CCNY: variants seen among roughly 807,000 people sequenced by gnomAD.
CCNY encodes the protein cyclin Y, also known as cyclin-Y.
A neutral mutation model predicts 42.8 loss-of-function variants in CCNY; 19 were observed. That is an observed-to-expected ratio of 0.44 (90% confidence interval 0.31 to 0.65). The LOEUF is 0.65. Ranked by LOEUF, CCNY falls within the 30% of genes least tolerant of loss-of-function variation. The probability of loss-of-function intolerance (pLI) is 0.07; values close to 1 mark genes in which losing one functional copy is unlikely to be tolerated. For missense variants in CCNY, 370 were observed against 437.3 expected, an observed-to-expected ratio of 0.85 and a Z score of 1.37; for synonymous variants, 165 against 162.7, an observed-to-expected ratio of 1.01 and a Z score of -0.11.
At chr10:35,270,948 A>C (rs1187745377) in intron 3 of CCNY, among the ~76,000 whole-genome samples, 1 of 151,576 alleles carries the variant, frequency 6.6e-6, no homozygotes, top group Non-Finnish European at 1.5e-5. Flanking sequence ...GATGGTCTCG[A>C]TCTCCTGACC....
chr10:35,396,402 C>G (rs542334505), intron 1 of CCNY, among the ~76,000 whole-genome samples: 1 of 152,162 alleles, frequency 6.6e-6, no homozygotes, highest in Non-Finnish European at 1.5e-5. Context: ...AGGCAGGTGC[C>G]GCAAGAAGGT....
intron 1 of CCNY, among the ~76,000 whole-genome samples, chr10:35,384,273 G>A (rs1325295002): frequency 6.6e-6 from 1 of 152,186 alleles, no homozygotes; most frequent in Non-Finnish European, 1.5e-5. Context: ...AGATGATTTT[G>A]AGGGCATTAG....
At chr10:35,379,404 G>A (rs1837128529) in intron 1 of CCNY, among the ~76,000 whole-genome samples, 2 of 152,126 alleles carry the variant, frequency 1.3e-5, no homozygotes, top group African/African-American at 2.4e-5. Context: ...GAGCGGTGGG[G>A]CCTGAAAACA....
intron 1 of CCNY, among the ~76,000 whole-genome samples, chr10:35,422,116 A>G (rs928112832): frequency 2.0e-5 from 3 of 152,100 alleles, no homozygotes; most frequent in African/African-American, 4.8e-5. Context: ...TGTATTCTAT[A>G]AATATTTTTG....
intron 3 of CCNY, among the ~76,000 whole-genome samples, chr10:35,294,522 G>GT (rs1008648374): frequency 2.0e-5 from 3 of 152,038 alleles, no homozygotes; most frequent in African/African-American, 7.2e-5. Context: ...ATAATCTTGT[G>GT]TTTTTTTGTC....
chr10:35,362,475 T>C (rs1836707006), intron 1 of CCNY, among the ~76,000 whole-genome samples: 1 of 152,150 alleles, frequency 6.6e-6, no homozygotes, highest in Non-Finnish European at 1.5e-5. Context: ...GGCAACTGAA[T>C]TTACTTAAAG....
At chr10:35,463,344 C>T (rs902519628) in intron 1 of CCNY, among the ~76,000 whole-genome samples, 4 of 152,226 alleles carry the variant, frequency 2.6e-5, no homozygotes, top group African/African-American at 9.6e-5. Flanking sequence ...TGGTTACCCA[C>T]AGAGTTAACG....
intron 1 of CCNY, among the ~76,000 whole-genome samples, chr10:35,348,514 A>G (rs1484830333): frequency 6.6e-6 from 1 of 152,248 alleles, no homozygotes; most frequent in Non-Finnish European, 1.5e-5. Context: ...GCAGGAGGAT[A>G]CGACTTCGTC....
chr10:35,423,036 ATTTCTAGTGTTTTGT>A (rs1838191624), intron 1 of CCNY, among the ~76,000 whole-genome samples: 1 of 152,152 alleles, frequency 6.6e-6, no homozygotes, highest in Non-Finnish European at 1.5e-5. Context: ...TTGTGAATCT[ATTTCTAGTGTTTTGT>A]ATGCTGAACT....
intron 4 of CCNY, among the ~76,000 whole-genome samples, chr10:35,523,550 G>C (rs895741269): frequency 6.6e-6 from 1 of 152,132 alleles, no homozygotes; most frequent in African/African-American, 2.4e-5. Flanking sequence ...AACCTTGAGT[G>C]GAAATTGGCC....
At chr10:35,474,737 C>T (rs1479407270) in intron 1 of CCNY, among the ~76,000 whole-genome samples, 10 of 151,640 alleles carry the variant, frequency 6.6e-5, no homozygotes, top group Admixed American at 2.0e-4. Flanking sequence ...AAAATCAGAG[C>T]GCCTCTCCTC....
intron 1 of CCNY, among the ~76,000 whole-genome samples, chr10:35,376,253 A>T (rs908788951): frequency 9.2e-5 from 14 of 152,222 alleles, no homozygotes; most frequent in African/African-American, 3.1e-4. Context: ...AAACAGTTTG[A>T]TAGTTCATCA....
intron 3 of CCNY, among the ~76,000 whole-genome samples, chr10:35,328,053 A>C (rs1835899477): frequency 1.3e-5 from 2 of 152,234 alleles, no homozygotes; most frequent in Non-Finnish European, 2.9e-5. Flanking sequence ...AGAGAACGAT[A>C]ACACTTTGAT....
At chr10:35,566,656 T>C (rs565215758) in intron 9 of CCNY, among the ~76,000 whole-genome samples, 2 of 152,160 alleles carry the variant, frequency 1.3e-5, no homozygotes, top group East Asian at 3.9e-4. Context: ...CACTTCATAT[T>C]TTTAATAACC....
At chr10:35,318,327 C>T (rs974174121) in intron 3 of CCNY, among the ~76,000 whole-genome samples, 2 of 152,126 alleles carry the variant, frequency 1.3e-5, no homozygotes, top group African/African-American at 2.4e-5. Context: ...TGTGCATGTG[C>T]AACTACCCAC....
intron 3 of CCNY, among the ~76,000 whole-genome samples, chr10:35,303,754 G>T (rs993093145): frequency 7.5e-6 from 1 of 133,934 alleles, no homozygotes; most frequent in Non-Finnish European, 1.5e-5. Context: ...TCCAGCCTGG[G>T]CGACAACAGC....
intron 1 of CCNY, among the ~76,000 whole-genome samples, chr10:35,351,610 G>T (rs1305024977): frequency 6.6e-6 from 1 of 152,134 alleles, no homozygotes; most frequent in East Asian, 1.9e-4. Context: ...TTACATAGTG[G>T]GTGCTTAGTT....
At chr10:35,541,931 C>T (rs1204756206) in intron 7 of CCNY, among the ~76,000 whole-genome samples, 2 of 150,318 alleles carry the variant, frequency 1.3e-5, no homozygotes, top group Non-Finnish European at 3.0e-5. Context: ...CATATTGTGT[C>T]TAGTTGTCGT....
At chr10:35,306,635 C>T (rs190148781) in intron 3 of CCNY, among the ~76,000 whole-genome samples, 52 of 152,254 alleles carry the variant, frequency 3.4e-4, no homozygotes, top group Non-Finnish European at 2.1e-4. Context: ...TCTGGTACTC[C>T]CCGGTCTGTT....
Sources: gnomAD v4.1 joint callset for allele counts (sites outside exome capture counted in the v4.1 genomes callset) on GRCh38, gnomAD v4.1.1 for gene constraint, MANE v1.5 for transcripts, NCBI Gene and HGNC (gene_info 2026-07-23, HGNC 2026-07-21) for gene names.